MAST2: variants seen among roughly 807,000 people sequenced by gnomAD.
The protein encoded by MAST2 is microtubule-associated serine/threonine-protein kinase 2.
MAST2 carries 70 observed loss-of-function variants against 147.4 expected under a neutral mutation model. The ratio of observed to expected loss-of-function variants is 0.47; its 90% CI spans 0.39 to 0.58. The LOEUF is 0.58. Ranked by LOEUF, MAST2 falls within the 20% of genes least tolerant of loss-of-function variation. The probability of loss-of-function intolerance (pLI) is 0.00; values close to 1 mark genes in which losing one functional copy is unlikely to be tolerated. For missense variants in MAST2, 2,080 were observed against 2,302.3 expected (o/e 0.90, Z 1.98); for synonymous variants, 869 against 896.8 (o/e 0.97, Z 0.55).
chr1:45,885,254 G>A (rs1310919165), intron 4 of MAST2, among the ~76,000 whole-genome samples: 2 of 152,216 alleles, frequency 1.3e-5, no homozygotes, highest in African/African-American at 2.4e-5. Flanking sequence ...TCTCCCAAGA[G>A]CGAATCCTAT....
At position 45,876,084 on chromosome 1, in the gene MAST2, A is replaced by G. The variant is rs893817849; in HGVS notation, c.469-6280A>G. On this transcript the variant is annotated intron_variant, in intron 3 of 28. Transcript: ENST00000361297. ...GTCTTCCAGGACAGAAGAGTGAATG[A>G]TACTATCAGGTGCTGTTGAGCAGTG... 8.5e-5 allele frequency among the ~76,000 whole-genome samples: 13 copies of G among 152,312 alleles called. No individual in the cohort carries two copies. In the East Asian group the frequency reaches 2.5e-3, roughly 29 times the overall value.
intron 4 of MAST2, among the ~76,000 whole-genome samples, chr1:45,918,582 C>A (rs568127545): frequency 6.6e-6 from 1 of 152,212 alleles, no homozygotes; most frequent in East Asian, 1.9e-4. Context: ...GGATTACAGG[C>A]GGCTGCCCCC....
intron 4 of MAST2, among the ~76,000 whole-genome samples, chr1:45,911,468 G>T (rs893889764): frequency 1.3e-5 from 2 of 152,166 alleles, no homozygotes; most frequent in African/African-American, 2.4e-5. Context: ...AGGCTAGAAA[G>T]AATCCATTTG....
chr1:45,838,301 C>A (rs926214761), intron 3 of MAST2, among the ~76,000 whole-genome samples: 1 of 149,486 alleles, frequency 6.7e-6, no homozygotes, highest in Non-Finnish European at 1.5e-5. Context: ...CTCACTGCAA[C>A]CTCCGCCTCC....
At chr1:45,928,116 C>G (rs138251462) in intron 4 of MAST2, among the ~76,000 whole-genome samples, 59 of 152,282 alleles carry the variant, frequency 3.9e-4, no homozygotes, top group Middle Eastern at 3.4e-3. Context: ...TAGAAAGACT[C>G]ATACTACATC....
At chr1:45,973,105 G>C (rs566991671) in intron 5 of MAST2, among the ~76,000 whole-genome samples, 2 of 151,560 alleles carry the variant, frequency 1.3e-5, no homozygotes, top group Non-Finnish European at 2.9e-5. Context: ...AAAAATTTTA[G>C]CTCTTGACTC....
intron 4 of MAST2, among the ~76,000 whole-genome samples, chr1:45,911,072 C>T (rs1651584229): frequency 6.6e-6 from 1 of 152,254 alleles, no homozygotes; most frequent in African/African-American, 2.4e-5. Flanking sequence ...TAGCAGAGGC[C>T]TTTCTTCTGG....
At chr1:45,836,111 TG>T (rs1645095123) in intron 3 of MAST2, among the ~76,000 whole-genome samples, 1 of 152,238 alleles carries the variant, frequency 6.6e-6, no homozygotes, top group African/African-American at 2.4e-5. Context: ...ATTTTGGGTA[TG>T]TACCTAAGAG....
At chr1:45,975,336 A>G (rs1022198217) in intron 5 of MAST2, among the ~76,000 whole-genome samples, 6 of 152,068 alleles carry the variant, frequency 3.9e-5, no homozygotes, top group African/African-American at 2.4e-5. Flanking sequence ...ATGAAATAGA[A>G]TTATATGATT....
At chr1:45,917,446 T>C (rs752998177) in intron 4 of MAST2, 9 of 1,366,478 alleles carry the variant, frequency 6.6e-6, no homozygotes, top group Non-Finnish European at 7.8e-6. Context: ...GATTGTGCTT[T>C]GGCTACTTCT....
chr1:46,035,284 GGA>G lies in MAST2; in HGVS notation c.4621_4622del (p.Ser1541TrpfsTer12). The stretch of plus-strand genomic sequence containing the variant: ...CCAGAGTGTGGCCCCTAAAGGAGCA[GGA>G]GAGAGTGGGGAAGAGGATCCTTTCC... ...VSQSVAPKGA[G>X]ESGEEDPFPS... On this transcript the variant is annotated frameshift_variant, in exon 29 of 29. Coordinates refer to ENST00000361297, the MANE Select transcript of MAST2 (RefSeq NM_015112.3). LOFTEE classifies it low-confidence loss of function (END_TRUNC). The surrounding 1 kb of genome is among the most constrained non-coding windows in gnomAD (Gnocchi z 5.5). 6.2e-7 allele frequency: 1 copy of G among 1,613,986 alleles called. No individual in the cohort carries two copies. The highest frequency in any genetic ancestry group is 8.5e-7 in the Non-Finnish European group (1 of 1,180,000).
chr1:45,860,660 CA>C (rs1645948891), intron 3 of MAST2, among the ~76,000 whole-genome samples: 1 of 151,582 alleles, frequency 6.6e-6, no homozygotes. Flanking sequence ...GGTGAAACCC[CA>C]TCTCTACTAA....
At chr1:45,874,035 G>C (rs1004526593) in intron 3 of MAST2, among the ~76,000 whole-genome samples, 1 of 152,106 alleles carries the variant, frequency 6.6e-6, no homozygotes, top group Admixed American at 6.5e-5. Flanking sequence ...TGCCCAGTCT[G>C]GTCTCGAACT....
At chr1:45,991,737 T>C (rs1571106326) in intron 5 of MAST2, among the ~76,000 whole-genome samples, 1 of 152,340 alleles carries the variant, frequency 6.6e-6, no homozygotes, top group Non-Finnish European at 1.5e-5. Context: ...CTTGTTGTAA[T>C]TGCTTATTAG....
intron 17 of MAST2, among the ~76,000 whole-genome samples, 171 bp from the exon 18 acceptor site, chr1:46,028,597 A>G (rs1646509023): frequency 6.6e-6 from 1 of 152,196 alleles, no homozygotes; most frequent in African/African-American, 2.4e-5. Context: ...ACCTACTGAC[A>G]GTTCCGACTC....
chr1:45,959,263 G>T, intron 4 of MAST2, 123 bp from the exon 5 acceptor site: 1 of 654,348 alleles, frequency 1.5e-6, no homozygotes, highest in Non-Finnish European at 2.7e-6. Context: ...ACCCAGTTCA[G>T]TTTAAAGAAG....
intron 4 of MAST2, among the ~76,000 whole-genome samples, chr1:45,931,140 G>T (rs951337883): frequency 2.0e-5 from 3 of 152,094 alleles, no homozygotes; most frequent in African/African-American, 7.2e-5. Context: ...GTAACAGAAG[G>T]CTCCGATCCA....
chr1:46,012,685 A>T (rs1645763009), intron 10 of MAST2, among the ~76,000 whole-genome samples: 1 of 152,048 alleles, frequency 6.6e-6, no homozygotes, highest in Admixed American at 6.5e-5. Flanking sequence ...AGTTCACTGA[A>T]GCTAGAAAAC....
intron 5 of MAST2, among the ~76,000 whole-genome samples, chr1:45,960,651 C>T (rs1178160004): frequency 6.6e-6 from 1 of 152,186 alleles, no homozygotes; most frequent in African/African-American, 2.4e-5. Flanking sequence ...CCAGGGGAAC[C>T]AGGCCACGGG....
Sources: allele counts gnomAD v4.1 joint callset (sites outside exome capture counted in the v4.1 genomes callset), GRCh38; gene constraint gnomAD v4.1.1; non-coding constraint Gnocchi (gnomAD v3.1); transcripts MANE v1.5; gene names NCBI Gene and HGNC (gene_info 2026-07-23, HGNC 2026-07-21).